Variants in ARIH1 observed in about 807,000 individuals in gnomAD.
The protein encoded by ARIH1 is ariadne RBR E3 ubiquitin protein ligase 1.
Under a neutral mutation model 85.0 loss-of-function variants are expected in ARIH1, and 8 were observed. That is an observed-to-expected ratio of 0.09 (90% CI 0.06 to 0.17). The LOEUF is 0.17. Ranked by LOEUF, ARIH1 falls within the 10% of genes least tolerant of loss-of-function variation. The pLI is 1.00. For synonymous variants in ARIH1, 238 were observed against 253.6 expected (o/e 0.94, Z 0.59); for missense variants, 311 against 718.1 (o/e 0.43, Z 6.48).
At chr15:72,557,899 T>C (rs2064181717) in intron 5 of ARIH1, among the ~76,000 whole-genome samples, 1 of 152,228 alleles carries the variant, frequency 6.6e-6, no homozygotes. Flanking sequence ...ATTGATTTTG[T>C]ATCCTGAAAT....
intron 1 of ARIH1, among the ~76,000 whole-genome samples, chr15:72,511,324 T>C (rs965181470): frequency 4.6e-5 from 7 of 152,124 alleles, no homozygotes; most frequent in African/African-American, 1.7e-4. Flanking sequence ...TTTTTTGAGA[T>C]GGAGTTTTGC....
chr15:72,581,241 C>G (rs1326669943), intron 12 of ARIH1, among the ~76,000 whole-genome samples: 3 of 152,170 alleles, frequency 2.0e-5, no homozygotes, highest in Non-Finnish European at 4.4e-5. Context: ...ATCTTTACTT[C>G]ATTATGTTTT....
chr15:72,580,113 G>A (rs574400240), intron 11 of ARIH1, among the ~76,000 whole-genome samples: 1 of 151,972 alleles, frequency 6.6e-6, no homozygotes, highest in African/African-American at 2.4e-5. Context: ...GCAAGCCTCT[G>A]GTAACCGTCA....
intron 2 of ARIH1, among the ~76,000 whole-genome samples, chr15:72,530,190 G>A (rs555720989): frequency 3.7e-4 from 56 of 152,286 alleles, no homozygotes; most frequent in Admixed American, 9.2e-4. Flanking sequence ...GAAGAGGCTA[G>A]GTGAAATACT....
At chr15:72,529,336 G>T (rs1371559048) in intron 2 of ARIH1, among the ~76,000 whole-genome samples, 1 of 152,190 alleles carries the variant, frequency 6.6e-6, no homozygotes, top group Non-Finnish European at 1.5e-5. Flanking sequence ...TTGAACTCCG[G>T]GGCTCAAACT....
chr15:72,475,292 T>A, intron 1 of ARIH1: 1 of 497,202 alleles, frequency 2.0e-6, no homozygotes, highest in Non-Finnish European at 3.1e-6. Context: ...GGGCAATTTC[T>A]GCCAGTCCCT....
At chr15:72,533,570 A>G (rs868780623) in intron 2 of ARIH1, among the ~76,000 whole-genome samples, 4 of 152,340 alleles carry the variant, frequency 2.6e-5, no homozygotes, top group Middle Eastern at 3.4e-3. Flanking sequence ...CTTTGACCCA[A>G]TAATTCCGCT....
At chr15:72,502,314 TA>T (rs2063907228) in intron 1 of ARIH1, among the ~76,000 whole-genome samples, 1 of 152,188 alleles carries the variant, frequency 6.6e-6, no homozygotes, top group Admixed American at 6.5e-5. Context: ...ATTTCCCTCA[TA>T]AAATAAATGT....
intron 2 of ARIH1, among the ~76,000 whole-genome samples, chr15:72,528,169 T>C (rs1412906906): frequency 6.6e-6 from 1 of 152,170 alleles, no homozygotes; most frequent in Non-Finnish European, 1.5e-5. Context: ...AGTATGGTAG[T>C]ATATAGGGTA....
intron 5 of ARIH1, among the ~76,000 whole-genome samples, chr15:72,556,607 C>A (rs1308259038): frequency 6.6e-6 from 1 of 152,100 alleles, no homozygotes; most frequent in African/African-American, 2.4e-5. Context: ...TATACATGTG[C>A]AGGTTTGTTA....
intron 5 of ARIH1, among the ~76,000 whole-genome samples, chr15:72,556,741 A>G (rs138422857): frequency 6.6e-6 from 1 of 152,308 alleles, no homozygotes; most frequent in Non-Finnish European, 1.5e-5. Context: ...AGTAGTCCCC[A>G]GTCTAAATAG....
intron 2 of ARIH1, among the ~76,000 whole-genome samples, chr15:72,522,109 C>T (rs2064002744): frequency 6.6e-6 from 1 of 151,972 alleles, no homozygotes; most frequent in African/African-American, 2.4e-5. Flanking sequence ...TCGGTTTATT[C>T]TTACATTAAA....
chr15:72,540,851 T>C (rs2064103960), intron 2 of ARIH1, among the ~76,000 whole-genome samples: 1 of 152,122 alleles, frequency 6.6e-6, no homozygotes, highest in Non-Finnish European at 1.5e-5. Context: ...TTAAAAAAGG[T>C]ATTAACTCCA....
At chr15:72,523,938 T>A (rs1375537418) in intron 2 of ARIH1, among the ~76,000 whole-genome samples, 3 of 122,314 alleles carry the variant, frequency 2.5e-5, no homozygotes, top group East Asian at 2.8e-4. Context: ...TACTTTTACA[T>A]CTTTTTTTTT....
In ARIH1 at chr15:72,474,349, G is replaced by T; in HGVS notation, c.-291G>T. 2 of 405,812 alleles carry T rather than the reference G, an allele frequency of 4.9e-6. No homozygotes were observed. The highest frequency in any genetic ancestry group is 8.9e-6 in the Non-Finnish European group (2 of 225,504). The allele number at this position is 405,812 out of a possible 1,614,324, so 25.1% of individuals were successfully genotyped here. ...TGGCTCAGTAGCGATAGCAGCGGCC[G>T]TGGAGGTGGCGTTGGGGACTGTTTT... On this transcript the variant is annotated 5_prime_UTR_variant, in exon 1 of 14. Transcript: ENST00000379887.
intron 1 of ARIH1, among the ~76,000 whole-genome samples, chr15:72,490,872 C>G (rs966755131): frequency 2.0e-5 from 3 of 152,144 alleles, no homozygotes; most frequent in Admixed American, 2.0e-4. Context: ...AATCCCTGCA[C>G]TTTGGGAGGC....
chr15:72,541,864 A>G (rs2064108822), intron 2 of ARIH1, among the ~76,000 whole-genome samples: 1 of 152,194 alleles, frequency 6.6e-6, no homozygotes, highest in Non-Finnish European at 1.5e-5. Flanking sequence ...GCAAACATAA[A>G]GAGTGATTAC....
chr15:72,529,974 A>G (rs924906045), intron 2 of ARIH1, among the ~76,000 whole-genome samples: 1 of 152,214 alleles, frequency 6.6e-6, no homozygotes, highest in African/African-American at 2.4e-5. Flanking sequence ...GAAAAGCATT[A>G]TTTCAGAAAA....
At position 72,597,156 on chromosome 15, in the gene ARIH1, A is replaced by T. The variant is rs2064366480; in HGVS notation, c.*13864A>T. ...AAGAAAATGTTTACTTCCAAAACAG[A>T]GCATGCCCTTTGTTTTTTTTTCAGG... On this transcript the variant is annotated 3_prime_UTR_variant, in exon 14 of 14. Coordinates refer to ENST00000379887, the MANE Select transcript of ARIH1 (RefSeq NM_005744.5). The T allele has an allele frequency of 1.2e-5, 1 of 82,624 alleles. No homozygotes were observed. 5.1% of individuals were successfully genotyped at this position (82,624 alleles called of 1,614,324 possible).
Sources: allele counts gnomAD v4.1 joint callset (sites outside exome capture counted in the v4.1 genomes callset), GRCh38; gene constraint gnomAD v4.1.1; transcripts MANE v1.5; gene names NCBI Gene and HGNC (gene_info 2026-07-23, HGNC 2026-07-21).